Variants in RHPN2 observed in about 807,000 individuals in gnomAD.
The protein encoded by RHPN2 is rhophilin-2.
A neutral mutation model predicts 79.0 loss-of-function variants in RHPN2; 40 were observed. The observed-to-expected ratio is 0.51, with a 90% CI of 0.39 to 0.66. The LOEUF (loss-of-function observed/expected upper bound fraction) is 0.66, where lower values mean the gene tolerates loss of function less well. Among genes scored for constraint, RHPN2 ranks in the 30% least tolerant of loss-of-function variants. RHPN2 has a pLI of 0.00. For synonymous variants in RHPN2, 285 were observed against 363.5 expected (o/e 0.78, Z 2.46); for missense variants, 686 against 883.5 (o/e 0.78, Z 2.83).
chr19:33,044,663 C>T lies in RHPN2; in HGVS notation c.70-299G>A, dbSNP rs1370943612. ...ATCCCAGAACTTTGGAAGGCCAAGG[C>T]GGGTGGATCACCTGAAGTCAGGAGT... On this transcript the variant is annotated intron_variant, in intron 1 of 14. Coordinates refer to ENST00000254260, the MANE Select transcript of RHPN2 (RefSeq NM_033103.5). Among the ~76,000 whole-genome samples the T allele has an allele frequency of 2.0e-5, 3 of 152,214 alleles. 1 individual carries two copies. Among genetic ancestry groups the T allele is most frequent in the South Asian group, 4.1e-4 (2 of 4,828 alleles).
chr19:32,991,755 G>A (rs199985264), intron 13 of RHPN2, 68 bp downstream of exon 13: 15 of 1,604,578 alleles, frequency 9.3e-6, no homozygotes, highest in Non-Finnish European at 1.2e-5. Context: ...TGACATGGGT[G>A]AACCCACCCT....
intron 1 of RHPN2, among the ~76,000 whole-genome samples, chr19:33,062,648 G>C: frequency 6.6e-6 from 1 of 151,326 alleles, no homozygotes; most frequent in Non-Finnish European, 1.5e-5. Flanking sequence ...GCAGGCGCCT[G>C]TAATCCCAGC....
chr19:32,979,782 T>G lies in RHPN2; in HGVS notation c.*214A>C. On this transcript the variant is annotated 3_prime_UTR_variant, in exon 15 of 15. Transcript: ENST00000254260. Reference sequence around the variant, plus strand: ...TTATATAATAAATAACTTACAGCAGTATAGTAACACACCTCAAAAAAGTTC... The same window carrying G: ...TTATATAATAAATAACTTACAGCAGGATAGTAACACACCTCAAAAAAGTTC... 1.7e-6 allele frequency: 1 copy of G among 590,264 alleles called. No homozygotes were observed. Among genetic ancestry groups the G allele is most frequent in the Non-Finnish European group, 3.0e-6 (1 of 332,442 alleles). The allele number at this position is 590,264 out of a possible 1,614,324, so 36.6% of individuals were successfully genotyped here.
At chr19:33,031,451 C>T (rs1207402392) in intron 2 of RHPN2, among the ~76,000 whole-genome samples, 2 of 151,858 alleles carry the variant, frequency 1.3e-5, no homozygotes, top group Non-Finnish European at 2.9e-5. Flanking sequence ...CACCATGTTG[C>T]CCAGTCCAGT....
chr19:32,994,396 GAAA>G (rs56180174), intron 11 of RHPN2, among the ~76,000 whole-genome samples: 2 of 151,018 alleles, frequency 1.3e-5, no homozygotes, highest in African/African-American at 4.9e-5. Flanking sequence ...ACTCCGGGGG[GAAA>G]AAAAAAGTGA....
intron 2 of RHPN2, among the ~76,000 whole-genome samples, chr19:33,039,864 A>T (rs1972086602): frequency 6.6e-6 from 1 of 151,622 alleles, no homozygotes; most frequent in Non-Finnish European, 1.5e-5. Flanking sequence ...AAAATTCAAC[A>T]ATCAGATTAA....
At position 33,001,178 on chromosome 19, in the gene RHPN2, A is replaced by T. The variant is rs1463896821; in HGVS notation, c.1105+1069T>A. ...GAAGAGCTGAGATATGAACCCAGGAAGTCTGGCTCCAGAGGCTGTCTTTTT... is the reference window on the plus strand; with the variant it reads ...GAAGAGCTGAGATATGAACCCAGGATGTCTGGCTCCAGAGGCTGTCTTTTT... On this transcript the variant is annotated intron_variant, in intron 9 of 14. Coordinates refer to ENST00000254260, the MANE Select transcript of RHPN2 (RefSeq NM_033103.5). Among the ~76,000 whole-genome samples, 7 of 152,292 alleles carry T rather than the reference A, an allele frequency of 4.6e-5. No homozygotes were observed. The South Asian group carries it at 1.2e-3, about 27-fold the overall frequency.
chr19:32,999,693 G>A lies in RHPN2; in HGVS notation c.1118C>T (p.Thr373Met), dbSNP rs531300983. 8.7e-5 allele frequency: 141 copies of A among 1,612,422 alleles called. No individual in the cohort carries two copies. In the African/African-American group the frequency reaches 1.1e-3, roughly 12 times the overall value. ...GCACTTCTCCTGGTGGTCCAGATCC[G>A]TGCCTGGCTTCACTGCAAAGAGAAC... ...LLIDHQVKPG[T>M]DLDHQEKCLS... Residue 373 changes from threonine (T) to methionine (M), a missense_variant, in exon 10 of 15, where the codon ACG becomes ATG. Coordinates refer to ENST00000254260, the MANE Select transcript of RHPN2 (RefSeq NM_033103.5).
rs201197290 is a variant in RHPN2 at position 32,999,628 on chromosome 19, G to T, written c.1183C>A (p.Pro395Thr). 4.3e-6 allele frequency: 7 copies of T among 1,613,238 alleles called. No individual in the cohort carries two copies. In the Admixed American group the frequency reaches 8.3e-5, roughly 19 times the overall value. The change falls in exon 10 of 15, where the codon CCC becomes ACC. Residue 395 changes from proline to threonine, a missense_variant. By Grantham distance (38) the Pro-to-Thr change is conservative (BLOSUM62 -1). Transcript: ENST00000254260. ...LYDHMPEGLT[P>T]LATLKNDQQR... ...TGATCATTCTTCAGTGTGGCCAAGG[G>T]TGTCAGCCCCTCTGGCATGTGGTCG...
chr19:32,991,091 G>A (rs1022910324), intron 13 of RHPN2, among the ~76,000 whole-genome samples: 2 of 151,712 alleles, frequency 1.3e-5, no homozygotes, highest in Non-Finnish European at 2.9e-5. Context: ...GGAGGCCAAG[G>A]CAGACAGAAT....
At chr19:33,063,157 T>C (rs1002619678) in intron 1 of RHPN2, among the ~76,000 whole-genome samples, 1 of 152,120 alleles carries the variant, frequency 6.6e-6, no homozygotes, top group Non-Finnish European at 1.5e-5. Context: ...CCAGGCCTCC[T>C]CCTGCAATTC....
In RHPN2 at chr19:32,988,212, C is replaced by A. The variant is rs367711552; in HGVS notation, c.1800+2302G>T. Among the ~76,000 whole-genome samples, 144 of 138,754 alleles carry A rather than the reference C, an allele frequency of 1.0e-3. No individual in the cohort carries two copies. In the East Asian group the frequency reaches 0.017, roughly 17 times the overall value. The allele number at this position is 138,754 out of a possible 152,430, so 91.0% of individuals were successfully genotyped here. On this transcript the variant is annotated intron_variant, in intron 14 of 14. Transcript: ENST00000254260. ...GACCCTGTCTCAAAAACAACAACAA[C>A]AAAAAAAAAAACAAAACAAACAAAA...
intron 4 of RHPN2, among the ~76,000 whole-genome samples, chr19:33,018,010 C>A (rs112885577): frequency 6.6e-6 from 1 of 152,028 alleles, no homozygotes; most frequent in Non-Finnish European, 1.5e-5. Context: ...AAAAATTAGC[C>A]GGGCGTGGTA....
At chr19:32,994,566 A>C (rs1971686404) in intron 11 of RHPN2, among the ~76,000 whole-genome samples, 2 of 152,124 alleles carry the variant, frequency 1.3e-5, no homozygotes, top group South Asian at 2.1e-4. Flanking sequence ...TGGGAGGTAT[A>C]ACTCCTTCCC....
In RHPN2 at chr19:33,035,985, T is replaced by C. The variant is rs190808368; in HGVS notation, c.185+8264A>G. On this transcript the variant is annotated intron_variant, in intron 2 of 14. Transcript: ENST00000254260. ...CAAAAAAATTAGCTGTGTGTGGTGGTGGGCACCTGTAGTCCCAGCTACTCG... is the reference window on the plus strand; with the variant it reads ...CAAAAAAATTAGCTGTGTGTGGTGGCGGGCACCTGTAGTCCCAGCTACTCG... 3.0e-4 allele frequency among the ~76,000 whole-genome samples: 45 copies of C among 151,730 alleles called. No homozygotes were observed. In the East Asian group the frequency reaches 7.4e-3, roughly 25 times the overall value.
chr19:32,982,658 T>A (rs1163830622), intron 14 of RHPN2, among the ~76,000 whole-genome samples: 1 of 151,946 alleles, frequency 6.6e-6, no homozygotes, highest in African/African-American at 2.4e-5. Context: ...CTGCTCAAAG[T>A]CCATTGTGTA....
intron 3 of RHPN2, among the ~76,000 whole-genome samples, chr19:33,024,836 C>T (rs529071158): frequency 2.0e-5 from 3 of 152,244 alleles, no homozygotes; most frequent in Admixed American, 6.5e-5. Flanking sequence ...ACTACAGTCT[C>T]GACCTCCCTG....
chr19:33,034,907 G>A (rs917493656), intron 2 of RHPN2, among the ~76,000 whole-genome samples: 5 of 151,958 alleles, frequency 3.3e-5, no homozygotes, highest in Admixed American at 6.6e-5. Flanking sequence ...AAGACCAGCC[G>A]AAGCAACATA....
chr19:33,057,675 CA>C (rs1387288106), intron 1 of RHPN2, among the ~76,000 whole-genome samples: 239 of 68,506 alleles, frequency 3.5e-3, no homozygotes, highest in Admixed American at 5.2e-3. Flanking sequence ...AACTCCATCT[CA>C]AAAAAAAAAA....
Sources: allele counts gnomAD v4.1 joint callset (sites outside exome capture counted in the v4.1 genomes callset), GRCh38; gene constraint gnomAD v4.1.1; transcripts MANE v1.5; gene names NCBI Gene and HGNC (gene_info 2026-07-23, HGNC 2026-07-21).